Variants in CPXM1 observed in about 807,000 individuals in gnomAD.
The protein encoded by CPXM1 is carboxypeptidase X, M14 family member 1, also known as probable carboxypeptidase X1.
Under a neutral mutation model 80.4 loss-of-function variants are expected in CPXM1, and 72 were observed. The ratio of observed to expected loss-of-function variants is 0.90; its 90% CI spans 0.74 to 1.09. CPXM1 has a LOEUF of 1.09. Among genes scored for constraint, CPXM1 ranks in the 50% least tolerant of loss-of-function variants. CPXM1 has a pLI of 0.00. For missense variants in CPXM1, 892 were observed against 999.4 expected, an observed-to-expected ratio of 0.89 and a Z score of 1.45; for synonymous variants, 403 against 405.6, an observed-to-expected ratio of 0.99 and a Z score of 0.08.
At position 2,798,532 on chromosome 20, in the gene CPXM1, G is replaced by A. The variant is rs1249908290; in HGVS notation, c.346C>T (p.Pro116Ser). Residue 116 changes from proline to serine, a missense_variant, in exon 3 of 14, where the codon CCT becomes TCT. By Grantham distance (74) the Pro-to-Ser change is moderately conservative. This residue lies in a region of CPXM1 where 874 missense variants were observed against 958.4 expected (regional missense o/e 0.91). Transcript: ENST00000380605. ...CGCAGGGACTCCAGACCCAAAGGAGGACAGCCTGGGGCGGGGATAGAACAG... is the reference window on the plus strand; with the variant it reads ...CGCAGGGACTCCAGACCCAAAGGAGAACAGCCTGGGGCGGGGATAGAACAG... ...DPAEKQETGCPPLGLESLRVS... is the reference protein window; with the variant it reads ...DPAEKQETGCSPLGLESLRVS... 3 of 1,613,764 alleles carry A rather than the reference G, an allele frequency of 1.9e-6. No homozygotes were observed. Among genetic ancestry groups the A allele is most frequent in the South Asian group, 1.1e-5 (1 of 91,052 alleles).
intron 1 of CPXM1, among the ~76,000 whole-genome samples, chr20:2,799,206 T>G (rs988661061): frequency 6.6e-6 from 1 of 152,174 alleles, no homozygotes; most frequent in Non-Finnish European, 1.5e-5. Flanking sequence ...GTCTGGCACT[T>G]TACCTCCGGG....
chr20:2,800,271 G>C (rs1226858514), intron 1 of CPXM1, 130 bp downstream of exon 1: 1 of 802,928 alleles, frequency 1.2e-6, no homozygotes, highest in East Asian at 3.4e-5. Flanking sequence ...GTGCGTGCGG[G>C]GTGAGTGTGC....
chr20:2,798,347 G>A (rs919248094), intron 3 of CPXM1, 56 bp from the exon 4 acceptor site: 66 of 1,606,052 alleles, frequency 4.1e-5, no homozygotes, highest in Non-Finnish European at 5.1e-5. Context: ...GGCAGGCCAG[G>A]ACAGAGAGGA....
chr20:2,794,431 G>A lies in CPXM1; in HGVS notation c.1964C>T (p.Ala655Val), dbSNP rs749218091. 9.9e-6 allele frequency: 16 copies of A among 1,613,552 alleles called. No individual in the cohort carries two copies. The highest frequency in any genetic ancestry group is 4.5e-5 in the East Asian group (2 of 44,880). ...CAGACGCCAATAATCCCCGCCCCAC[G>A]CTGAGGAGAGTGAAGGGCACGATCA... ...VDGINHDVTT[A>V]WGGDYWRLLT... Residue 655 changes from alanine to valine, a missense_variant and splice_region_variant, in exon 14 of 14, where the codon GCG (alanine) becomes GTG (valine). Around this residue, in one of 2 missense-constraint regions of CPXM1, gnomAD observed 874 missense variants for 958.4 expected, o/e 0.91. Coordinates refer to ENST00000380605, the MANE Select transcript of CPXM1 (RefSeq NM_019609.5). The surrounding 1 kb of genome is among the most constrained non-coding windows in gnomAD (Gnocchi z 5.2).
rs2088560582 is a variant in CPXM1 at position 2,800,536 on chromosome 20, G to A, written c.37C>T (p.Pro13Ser). ...GLLLALAAFA[P>S]AVGPALGAPR... ...GCCCCCAGAGCCGGGCCGACGGCCG[G>A]CGCGAAGGCGGCCAGGGCGAGCAGG... Residue 13 changes from proline to serine, a missense_variant, in exon 1 of 14, where the codon CCG (proline) becomes TCG (serine). Around this residue, in one of 2 missense-constraint regions of CPXM1, gnomAD observed 18 missense variants for 41.1 expected, o/e 0.44. Transcript: ENST00000380605. 1.5e-6 allele frequency: 2 copies of A among 1,356,428 alleles called. No homozygotes were observed. The highest frequency in any genetic ancestry group is 3.5e-5 in the South Asian group (2 of 56,858). 84.0% of individuals were successfully genotyped at this position (1,356,428 alleles called of 1,614,324 possible).
At position 2,794,573 on chromosome 20, in the gene CPXM1, T is replaced by A; in HGVS notation, c.1927A>T (p.Ile643Phe). 6.2e-7 allele frequency: 1 copy of A among 1,614,002 alleles called. No individual in the cohort carries two copies. The highest frequency in any genetic ancestry group is 8.5e-7 in the Non-Finnish European group (1 of 1,180,032). Residue 643 changes from isoleucine (I) to phenylalanine (F), a missense_variant, in exon 13 of 14, where the codon ATT becomes TTT. Ile to Phe is a conservative substitution (Grantham distance 21). This residue lies in a region of CPXM1 where 874 missense variants were observed against 958.4 expected (regional missense o/e 0.91). Coordinates refer to ENST00000380605, the MANE Select transcript of CPXM1 (RefSeq NM_019609.5). The surrounding 1 kb of genome is among the most constrained non-coding windows in gnomAD (Gnocchi z 5.2). ...DTELGIADAVIAVDGINHDVT... is the reference protein window; with the variant it reads ...DTELGIADAVFAVDGINHDVT... ...TCATGGTTAATCCCATCCACGGCAA[T>A]GACAGCGTCAGCAATCCCAAGCTCC...
Position 2,798,292 on chromosome 20 carries a change from C to G in CPXM1, c.451-1G>C, listed in dbSNP as rs748062123. ...ATAGATCGCCGTCCTCCAGGCCTGA[C>G]TGCAGACACAGGACATGGTGGTCAG... On this transcript the variant is annotated splice_acceptor_variant, in intron 3 of 13. Transcript: ENST00000380605. LOFTEE classifies it high-confidence loss of function. 13 of 1,613,652 alleles carry G rather than the reference C, an allele frequency of 8.1e-6. No individual in the cohort carries two copies. Among genetic ancestry groups the G allele is most frequent in the African/African-American group, 4.0e-5 (3 of 74,930 alleles).
In CPXM1 at chr20:2,795,270, A is replaced by C. The variant is rs201970765; in HGVS notation, c.1860+7T>G. On this transcript the variant is annotated splice_region_variant and intron_variant, in intron 12 of 13. Coordinates refer to ENST00000380605, the MANE Select transcript of CPXM1 (RefSeq NM_019609.5). The surrounding 1 kb of genome is among the most constrained non-coding windows in gnomAD (Gnocchi z 5.4). ...AGGCAGGCTGGGGGCCGGGACGCAG[A>C]TCCGACCTGCTCCAGGTAGGTGAGG... 7.3e-5 allele frequency: 117 copies of C among 1,613,074 alleles called. No individual in the cohort carries two copies. Among genetic ancestry groups the C allele is most frequent in the South Asian group, 1.1e-5 (1 of 90,984 alleles).
At chr20:2,800,076 TGA>T (rs1469639741) in intron 1 of CPXM1, among the ~76,000 whole-genome samples, 5 of 152,016 alleles carry the variant, frequency 3.3e-5, no homozygotes, top group African/African-American at 1.2e-4. Flanking sequence ...TGAGGGAGTG[TGA>T]GTGTGTATAT....
chr20:2,798,873 G>A lies in CPXM1; in HGVS notation c.193C>T (p.Arg65Trp), dbSNP rs751801505. Residue 65 changes from arginine to tryptophan, a missense_variant, in exon 2 of 14, where the codon CGG (arginine) becomes TGG (tryptophan). Around this residue, in one of 2 missense-constraint regions of CPXM1, gnomAD observed 874 missense variants for 958.4 expected, o/e 0.91. Coordinates refer to ENST00000380605, the MANE Select transcript of CPXM1 (RefSeq NM_019609.5). ...TANGTSEQHV[R>W]IRVIKKKKVI... ...TTTTTCTTCTTGATGACTCGAATCC[G>A]GACATGCTGTTCTGAGGTCCCTTGG... 1.7e-5 allele frequency: 27 copies of A among 1,613,836 alleles called. No homozygotes were observed. The highest frequency in any genetic ancestry group is 2.7e-5 in the African/African-American group (2 of 74,878).
chr20:2,797,902 C>T, intron 5 of CPXM1, 66 bp downstream of exon 5: 1 of 1,438,772 alleles, frequency 7.0e-7, no homozygotes, highest in Non-Finnish European at 9.7e-7. Context: ...AGAGGAGCCT[C>T]AGCCTAGCCT....
chr20:2,800,305 T>G (rs920024285), intron 1 of CPXM1, 96 bp downstream of exon 1: 1 of 1,135,420 alleles, frequency 8.8e-7, no homozygotes, highest in Admixed American at 3.6e-5. Flanking sequence ...TGCGTGGGTG[T>G]GCGTGTGCCC....
In CPXM1 at chr20:2,795,848, AG is replaced by A. The variant is rs1314800649; in HGVS notation, c.1470del (p.Phe491LeufsTer3). On this transcript the variant is annotated frameshift_variant, in exon 11 of 14. Coordinates refer to ENST00000380605, the MANE Select transcript of CPXM1 (RefSeq NM_019609.5). LOFTEE classifies it high-confidence loss of function. This position sits in a 1 kb window ranked among gnomAD's most constrained non-coding sequence, Gnocchi z 5.4. ...CCGTGGAGGTTGGCACTTAGCACAA[AG>A]GGGATCCGCTTCATCCACTTGATTA... ...RAVIKWMKRI[P>X]FVLSANLHGG... 6.2e-7 allele frequency: 1 copy of A among 1,612,332 alleles called. No homozygotes were observed.
Position 2,794,234 on chromosome 20 carries a change from C to T in CPXM1, c.2161G>A (p.Asp721Asn), listed in dbSNP as rs2088480645. 2 of 1,613,820 alleles carry T rather than the reference C, an allele frequency of 1.2e-6. No individual in the cohort carries two copies. Among genetic ancestry groups the T allele is most frequent in the Non-Finnish European group, 1.7e-6 (2 of 1,180,034 alleles). Reference protein sequence around the residue: ...LLAAGAKVPPDLRRRLERLRG... With the variant: ...LLAAGAKVPPNLRRRLERLRG... ...AGCCGCTCCAGGCGCCTGCGAAGGT[C>T]CGGGGGCACCTTGGCCCCAGCTGCC... The change falls in exon 14 of 14, where the codon GAC becomes AAC. Residue 721 changes from aspartate (D) to asparagine (N), a missense_variant. Around this residue, in one of 2 missense-constraint regions of CPXM1, gnomAD observed 874 missense variants for 958.4 expected, o/e 0.91. Coordinates refer to ENST00000380605, the MANE Select transcript of CPXM1 (RefSeq NM_019609.5). This position sits in a 1 kb window ranked among gnomAD's most constrained non-coding sequence, Gnocchi z 5.2.
In CPXM1 at chr20:2,796,882, A is replaced by G; in HGVS notation, c.921+124T>C. The stretch of plus-strand genomic sequence containing the variant: ...TAGGGGTCCACAGGAGAGAAGGCTG[A>G]GACATCAGGAGGCAGCAGGGGCATA... On this transcript the variant is annotated intron_variant, in intron 7 of 13. Coordinates refer to ENST00000380605, the MANE Select transcript of CPXM1 (RefSeq NM_019609.5). This position sits in a 1 kb window ranked among gnomAD's most constrained non-coding sequence, Gnocchi z 6.8. 1 of 1,032,086 alleles carries G rather than the reference A, an allele frequency of 9.7e-7. No individual in the cohort carries two copies. The highest frequency in any genetic ancestry group is 1.5e-6 in the Non-Finnish European group (1 of 685,760). 63.9% of individuals were successfully genotyped at this position (1,032,086 alleles called of 1,614,324 possible). A position where few individuals can be genotyped will look rare whatever the true frequency, so the allele number is the denominator to read the frequency against.
chr20:2,797,281 A>G lies in CPXM1; in HGVS notation c.743T>C (p.Val248Ala). 1 of 1,568,028 alleles carries G rather than the reference A, an allele frequency of 6.4e-7. No individual in the cohort carries two copies. Among genetic ancestry groups the G allele is most frequent in the East Asian group, 2.3e-5 (1 of 43,436 alleles). Residue 248 changes from valine to alanine, a missense_variant, in exon 6 of 14, where the codon GTG becomes GCG. Physicochemically the swap from Val to Ala is moderately conservative, Grantham distance 64. Transcript: ENST00000380605. Reference sequence around the variant, plus strand: ...GGGCAGCAGGCGAATGAAGCGGGCCACCTGGGGCTCCGGCAGGAGGTTCAG... The same window carrying G: ...GGGCAGCAGGCGAATGAAGCGGGCCGCCTGGGGCTCCGGCAGGAGGTTCAG... ...PVLNLLPEPQ[V>A]ARFIRLLPQT...
Position 2,794,350 on chromosome 20 carries a change from G to C in CPXM1, c.2045C>G (p.Thr682Arg), listed in dbSNP as rs2088482321. Residue 682 changes from threonine to arginine, a missense_variant, in exon 14 of 14, where the codon ACA becomes AGA. Physicochemically the swap from Thr to Arg is moderately conservative, Grantham distance 71 (BLOSUM62 -1). Around this residue, in one of 2 missense-constraint regions of CPXM1, gnomAD observed 874 missense variants for 958.4 expected, o/e 0.91. Coordinates refer to ENST00000380605, the MANE Select transcript of CPXM1 (RefSeq NM_019609.5). The surrounding 1 kb of genome is among the most constrained non-coding windows in gnomAD (Gnocchi z 5.2). Reference sequence around the variant, plus strand: ...TTCAAAGGTGACCCGACAGTTCCGTGTCACTGAATGGTAGCCCTCGGCACT... The same window carrying C: ...TTCAAAGGTGACCCGACAGTTCCGTCTCACTGAATGGTAGCCCTCGGCACT... ...TASAEGYHSVTRNCRVTFEEG... is the reference protein window; with the variant it reads ...TASAEGYHSVRRNCRVTFEEG... 1 of 1,614,040 alleles carries C rather than the reference G, an allele frequency of 6.2e-7. No homozygotes were observed. Among genetic ancestry groups the C allele is most frequent in the Admixed American group, 1.7e-5 (1 of 60,002 alleles).
In CPXM1 at chr20:2,795,606, G is replaced by GA. The variant is rs1568600740; in HGVS notation, c.1712dup (p.Gly573ArgfsTer5). 6.2e-7 allele frequency: 1 copy of GA among 1,613,174 alleles called. No individual in the cohort carries two copies. Among genetic ancestry groups the GA allele is most frequent in the Non-Finnish European group, 8.5e-7 (1 of 1,179,256 alleles). ...CCACCCTCAGGCACATACTCCCGGG[G>GA]ACCGTGTGCCAGTCAGCCCCGTTGA... On this transcript the variant is annotated frameshift_variant, in exon 11 of 14. Coordinates refer to ENST00000380605, the MANE Select transcript of CPXM1 (RefSeq NM_019609.5). LOFTEE classifies it high-confidence loss of function. This position sits in a 1 kb window ranked among gnomAD's most constrained non-coding sequence, Gnocchi z 5.4.
In CPXM1 at chr20:2,796,885, C is replaced by T; in HGVS notation, c.921+121G>A. The T allele has an allele frequency of 9.6e-7, 1 of 1,045,718 alleles. No homozygotes were observed. The highest frequency in any genetic ancestry group is 2.0e-5 in the Admixed American group (1 of 49,554). 64.8% of individuals were successfully genotyped at this position (1,045,718 alleles called of 1,614,324 possible). ...GGGTCCACAGGAGAGAAGGCTGAGA[C>T]ATCAGGAGGCAGCAGGGGCATACAA... On this transcript the variant is annotated intron_variant, in intron 7 of 13. Coordinates refer to ENST00000380605, the MANE Select transcript of CPXM1 (RefSeq NM_019609.5). This position sits in a 1 kb window ranked among gnomAD's most constrained non-coding sequence, Gnocchi z 6.8.
Sources: gnomAD v4.1 joint callset for allele counts (sites outside exome capture counted in the v4.1 genomes callset) on GRCh38, gnomAD v4.1.1 for gene constraint, gnomAD v4.1.1 regional missense constraint, Gnocchi (gnomAD v3.1) non-coding constraint, MANE v1.5 for transcripts, NCBI Gene and HGNC (gene_info 2026-07-23, HGNC 2026-07-21) for gene names.